RALYL: variants seen among roughly 807,000 people sequenced by gnomAD.
RALYL encodes RALY RNA binding protein like, also known as RNA-binding Raly-like protein.
In RALYL, 29 loss-of-function variants were observed where a neutral mutation model predicts 35.1. The observed-to-expected ratio is 0.83, with a 90% confidence interval of 0.61 to 1.13. RALYL has a LOEUF of 1.13. RALYL is among the 50% of genes most tolerant of loss of function. The probability of loss-of-function intolerance (pLI) is 0.00; values close to 1 mark genes in which losing one functional copy is unlikely to be tolerated. For missense variants in RALYL, 359 were observed against 360.4 expected, an observed-to-expected ratio of 1.00 and a Z score of 0.03; for synonymous variants, 120 against 127.6, an observed-to-expected ratio of 0.94 and a Z score of 0.40.
chr8:84,685,644 C>T (rs1229420444), intron 2 of RALYL, among the ~76,000 whole-genome samples: 1 of 152,098 alleles, frequency 6.6e-6, no homozygotes, highest in African/African-American at 2.4e-5. Context: ...GAAAAATTAT[C>T]ACACCATGTA....
chr8:84,244,480 AAG>A (rs911297150), intron 1 of RALYL, among the ~76,000 whole-genome samples: 3 of 152,182 alleles, frequency 2.0e-5, no homozygotes, highest in Non-Finnish European at 4.4e-5. Context: ...ACCACAGGAA[AAG>A]AGTCTTCTTC....
At chr8:84,195,172 A>G (rs1814931147) in intron 1 of RALYL, among the ~76,000 whole-genome samples, 1 of 152,108 alleles carries the variant, frequency 6.6e-6, no homozygotes, top group South Asian at 2.1e-4. Context: ...AATGGGTGAG[A>G]ATTTCAACAA....
chr8:84,696,509 G>A (rs1159590921), intron 2 of RALYL, among the ~76,000 whole-genome samples: 5 of 151,930 alleles, frequency 3.3e-5, no homozygotes, highest in African/African-American at 1.2e-4. Flanking sequence ...TTCACATGCT[G>A]TATTTGTGTT....
intron 2 of RALYL, among the ~76,000 whole-genome samples, chr8:84,716,043 T>C (rs528453409): frequency 2.2e-4 from 33 of 152,236 alleles, no homozygotes; most frequent in African/African-American, 7.7e-4. Context: ...TGGAAAATGT[T>C]ATATTTCATA....
intron 2 of RALYL, among the ~76,000 whole-genome samples, chr8:84,577,989 T>A (rs1466505095): frequency 1.3e-5 from 2 of 152,204 alleles, no homozygotes. Flanking sequence ...TGGTGGTGCC[T>A]TTGCCTGAGT....
intron 1 of RALYL, among the ~76,000 whole-genome samples, chr8:84,392,630 C>T (rs1860955252): frequency 6.6e-6 from 1 of 151,962 alleles, no homozygotes; most frequent in Non-Finnish European, 1.5e-5. Context: ...TGTAAAGAGA[C>T]ATCAGGAAAC....
intron 2 of RALYL, among the ~76,000 whole-genome samples, chr8:84,611,166 A>G (rs1291274030): frequency 6.6e-6 from 1 of 152,124 alleles, no homozygotes; most frequent in African/African-American, 2.4e-5. Flanking sequence ...AAGTGGTATA[A>G]TAAGATGCCA....
rs149065114 is a variant in RALYL at position 84,355,293 on chromosome 8, G to A, written c.-24+170869G>A. Among the ~76,000 whole-genome samples, 373 of 150,492 alleles carry A rather than the reference G, an allele frequency of 2.5e-3. 26 individuals carry two copies. Among genetic ancestry groups the A allele is most frequent in the African/African-American group, 8.7e-3 (351 of 40,554 alleles). The stretch of plus-strand genomic sequence containing the variant: ...TATGTCACATCAGCTGCCCCATATC[G>A]CATAGTTTAGTGGCAGAAACAGTAT... On this transcript the variant is annotated intron_variant, in intron 1 of 8. Transcript: ENST00000521268.
intron 1 of RALYL, among the ~76,000 whole-genome samples, chr8:84,464,388 G>A (rs534311057): frequency 0.015 from 2,293 of 150,870 alleles, 53 homozygotes; most frequent in African/African-American, 0.052. Flanking sequence ...GAGAATATGC[G>A]GTGTTTGGTT....
rs116210877 is a variant in RALYL at position 84,366,083 on chromosome 8, G to A, written c.-23-163216G>A. On this transcript the variant is annotated intron_variant, in intron 1 of 8. Coordinates refer to ENST00000521268, the MANE Select transcript of RALYL (RefSeq NM_173848.7). ...ATCCAGTTGTTTAACTGGGTCACAT[G>A]TTTATGCTCTGTTGTCTGGTGCCAG... 3.9e-3 allele frequency among the ~76,000 whole-genome samples: 587 copies of A among 152,260 alleles called. 3 individuals are homozygous for A. The highest frequency in any genetic ancestry group is 0.014 in the African/African-American group (569 of 41,558).
rs193270478 is a variant in RALYL, at chr8:84,811,052, C to T, written c.365+6250C>T. Among the ~76,000 whole-genome samples the T allele has an allele frequency of 1.1e-4, 16 of 151,866 alleles. No homozygotes were observed. The East Asian group carries it at 2.9e-3, about 28-fold the overall frequency. On this transcript the variant is annotated intron_variant, in intron 4 of 8. Transcript: ENST00000521268. Reference sequence around the variant, plus strand: ...ATCATGCTATTTGTTGCCTGCGTACCTTGGTTTTGTTTTTTGTTTTTTTTT... The same window carrying T: ...ATCATGCTATTTGTTGCCTGCGTACTTTGGTTTTGTTTTTTGTTTTTTTTT...
chr8:84,274,072 G>A (rs971623981), intron 1 of RALYL, among the ~76,000 whole-genome samples: 1 of 152,022 alleles, frequency 6.6e-6, no homozygotes, highest in Non-Finnish European at 1.5e-5. Flanking sequence ...AACCTTTTGT[G>A]ATGCCCCCAA....
intron 1 of RALYL, among the ~76,000 whole-genome samples, chr8:84,366,794 G>T (rs1164695498): frequency 8.1e-6 from 1 of 124,174 alleles, no homozygotes; most frequent in Admixed American, 8.2e-5. Context: ...AAAAAAAAGG[G>T]TATCCTGGGA....
At chr8:84,777,696 C>T (rs1817160733) in intron 3 of RALYL, among the ~76,000 whole-genome samples, 1 of 152,158 alleles carries the variant, frequency 6.6e-6, no homozygotes, top group African/African-American at 2.4e-5. Context: ...GGCTGGAGTG[C>T]AGTGTCGTGA....
intron 2 of RALYL, among the ~76,000 whole-genome samples, chr8:84,649,828 G>A (rs1301077605): frequency 1.3e-5 from 2 of 152,098 alleles, no homozygotes; most frequent in African/African-American, 4.8e-5. Context: ...AAAGTCATTG[G>A]TAGCTTGATG....
intron 3 of RALYL, among the ~76,000 whole-genome samples, chr8:84,798,434 C>T (rs1269326457): frequency 1.3e-5 from 2 of 152,026 alleles, no homozygotes; most frequent in African/African-American, 4.8e-5. Context: ...ATATTTATTT[C>T]TCACAGTAGC....
At chr8:84,601,388 A>G (rs945196733) in intron 2 of RALYL, among the ~76,000 whole-genome samples, 1 of 152,134 alleles carries the variant, frequency 6.6e-6, no homozygotes, top group Admixed American at 6.6e-5. Flanking sequence ...TCAAAAATGT[A>G]CTTAACAGTG....
intron 1 of RALYL, among the ~76,000 whole-genome samples, chr8:84,326,248 A>C (rs964979056): frequency 1.1e-4 from 16 of 152,210 alleles, no homozygotes; most frequent in African/African-American, 3.4e-4. Context: ...AATGCCAAAA[A>C]TTTAATGAAC....
intron 1 of RALYL, among the ~76,000 whole-genome samples, chr8:84,202,148 C>A (rs1816988951): frequency 6.7e-6 from 1 of 150,234 alleles, no homozygotes; most frequent in Non-Finnish European, 1.5e-5. Context: ...TGTAATATTG[C>A]AGTTTTGTAT....
Sources: gnomAD v4.1 joint callset for allele counts (sites outside exome capture counted in the v4.1 genomes callset) on GRCh38, gnomAD v4.1.1 for gene constraint, MANE v1.5 for transcripts, NCBI Gene and HGNC (gene_info 2026-07-23, HGNC 2026-07-21) for gene names.